Variants in KSR2 observed in about 807,000 individuals in gnomAD.
The protein encoded by KSR2 is kinase suppressor of ras 2.
Under a neutral mutation model 107.8 loss-of-function variants are expected in KSR2, and 25 were observed. The observed-to-expected ratio is 0.23, with a 90% CI of 0.17 to 0.32. The LOEUF (loss-of-function observed/expected upper bound fraction) is 0.32, where lower values mean the gene tolerates loss of function less well. Among genes scored for constraint, KSR2 ranks in the 10% least tolerant of loss-of-function variants. The pLI is 1.00. For synonymous variants in KSR2, 480 were observed against 507.0 expected (o/e 0.95, Z 0.71); for missense variants, 887 against 1,268.9 (o/e 0.70, Z 4.57).
chr12:117,694,800 C>A (rs73213817), intron 4 of KSR2, among the ~76,000 whole-genome samples: 19,756 of 149,324 alleles, frequency 0.13, 1,564 homozygotes, highest in South Asian at 0.24. Flanking sequence ...AGACATTCTG[C>A]TAAGTTAAAA....
intron 4 of KSR2, among the ~76,000 whole-genome samples, chr12:117,673,213 T>C (rs971128354): frequency 1.6e-4 from 24 of 151,412 alleles, no homozygotes; most frequent in African/African-American, 5.8e-4. Context: ...GACAGAAGGA[T>C]AGATGAAAAG....
chr12:117,759,119 A>T, intron 4 of KSR2, among the ~76,000 whole-genome samples: 1 of 152,234 alleles, frequency 6.6e-6, no homozygotes, highest in South Asian at 2.1e-4. Context: ...TTCACATAGC[A>T]GCTTAAATAT....
intron 3 of KSR2, among the ~76,000 whole-genome samples, chr12:117,840,091 C>A (rs1892400881): frequency 7.1e-6 from 1 of 141,426 alleles, no homozygotes; most frequent in African/African-American, 2.9e-5. Context: ...TTTTATTTTA[C>A]TTTATTTTAT....
chr12:117,620,313 G>A (rs1001861783), intron 5 of KSR2, among the ~76,000 whole-genome samples: 1 of 152,114 alleles, frequency 6.6e-6, no homozygotes, highest in Admixed American at 6.6e-5. Context: ...TGAGCAAAGG[G>A]TCTGCCCCAT....
chr12:117,896,731 A>G lies in KSR2; in HGVS notation c.181-36300T>C, dbSNP rs190819744. Among the ~76,000 whole-genome samples the G allele has an allele frequency of 3.8e-3, 580 of 152,304 alleles. 1 individual carries two copies. Among genetic ancestry groups the G allele is most frequent in the African/African-American group, 0.013 (550 of 41,570 alleles). ...TGCCTCGGCCTCCCAAAGTGCTGGG[A>G]TTATAGGCACGAGCCACCACACCTG... On this transcript the variant is annotated intron_variant, in intron 1 of 19. Transcript: ENST00000339824.
At chr12:117,733,113 A>G (rs1393188533) in intron 4 of KSR2, among the ~76,000 whole-genome samples, 2 of 152,142 alleles carry the variant, frequency 1.3e-5, no homozygotes, top group Admixed American at 6.5e-5. Context: ...TGAGGCCACA[A>G]CGCGCCATGG....
chr12:117,884,826 A>G (rs550883363), intron 1 of KSR2, among the ~76,000 whole-genome samples: 16 of 152,118 alleles, frequency 1.1e-4, no homozygotes, highest in African/African-American at 3.9e-4. Context: ...AGAATTCACC[A>G]GCCATCTCTG....
chr12:117,892,629 A>G (rs1388019973), intron 1 of KSR2, among the ~76,000 whole-genome samples: 1 of 152,120 alleles, frequency 6.6e-6, no homozygotes, highest in Admixed American at 6.6e-5. Context: ...TTATTGGAAC[A>G]CAGCCACTAC....
intron 3 of KSR2, among the ~76,000 whole-genome samples, chr12:117,787,466 CT>C (rs1306126751): frequency 6.6e-6 from 1 of 152,012 alleles, no homozygotes; most frequent in African/African-American, 2.4e-5. Flanking sequence ...AACTCCGCCT[CT>C]ACTACAGATA....
chr12:117,673,866 A>G (rs1428599349), intron 4 of KSR2, among the ~76,000 whole-genome samples: 1 of 151,826 alleles, frequency 6.6e-6, no homozygotes, highest in Non-Finnish European at 1.5e-5. Context: ...CAATTCAGAG[A>G]AAATCAACAA....
chr12:117,477,618 G>A lies in KSR2; in HGVS notation c.2451-1023C>T, dbSNP rs55737215. 3.9e-5 allele frequency among the ~76,000 whole-genome samples: 6 copies of A among 152,302 alleles called. 1 individual carries two copies. In the South Asian group the frequency reaches 6.2e-4, roughly 16 times the overall value. On this transcript the variant is annotated intron_variant, in intron 16 of 19. Coordinates refer to ENST00000339824, the MANE Select transcript of KSR2 (RefSeq NM_173598.6). ...AGGTAAACTGTGAGCTAAGATCTAC[G>A]TGACATAAAGGATCCAGTTATGTGA...
chr12:117,870,182 T>C (rs528115873), intron 1 of KSR2, among the ~76,000 whole-genome samples: 2 of 152,364 alleles, frequency 1.3e-5, no homozygotes, highest in South Asian at 2.1e-4. Context: ...GGAAGCCTTC[T>C]AAGTGAATTC....
At chr12:117,573,147 C>T (rs1377389246) in intron 7 of KSR2, among the ~76,000 whole-genome samples, 1 of 152,158 alleles carries the variant, frequency 6.6e-6, no homozygotes. Flanking sequence ...AACAAGACAG[C>T]TAATGATAAT....
rs200974431 is a variant in KSR2, at chr12:117,831,516, T to G, written c.472+23912A>C. On this transcript the variant is annotated intron_variant, in intron 3 of 19. Coordinates refer to ENST00000339824, the MANE Select transcript of KSR2 (RefSeq NM_173598.6). ...ACAGCTTGGGAAAATGAAGTCAAGT[T>G]GAAAGCAAGGGGGAGAAAAATCCTT... Among the ~76,000 whole-genome samples, 9 of 152,144 alleles carry G rather than the reference T, an allele frequency of 5.9e-5. No homozygotes were observed. The East Asian group carries it at 1.5e-3, about 26-fold the overall frequency.
At chr12:117,643,300 AGCCGGGCATGGTG>A (rs1456200848) in intron 5 of KSR2, among the ~76,000 whole-genome samples, 1 of 152,120 alleles carries the variant, frequency 6.6e-6, no homozygotes, top group African/African-American at 2.4e-5. Context: ...TACAAAAATT[AGCCGGGCATGGTG>A]GCGGGTGCCT....
At chr12:117,788,227 T>C (rs892570534) in intron 3 of KSR2, among the ~76,000 whole-genome samples, 2 of 152,144 alleles carry the variant, frequency 1.3e-5, no homozygotes, top group African/African-American at 4.8e-5. Context: ...ACAAAAGAAA[T>C]GAATGACTTC....
chr12:117,795,315 G>A (rs1249566399), intron 3 of KSR2, among the ~76,000 whole-genome samples: 1 of 152,148 alleles, frequency 6.6e-6, no homozygotes, highest in African/African-American at 2.4e-5. Flanking sequence ...CTTGTCAATG[G>A]TGTCACCTTC....
intron 4 of KSR2, chr12:117,674,493 G>A (rs1377504214): frequency 1.1e-5 from 5 of 444,610 alleles, no homozygotes; most frequent in Non-Finnish European, 2.3e-5. Context: ...AATCCCTTAC[G>A]CATTAGTCAC....
intron 4 of KSR2, among the ~76,000 whole-genome samples, chr12:117,702,729 C>T (rs1328636545): frequency 6.6e-6 from 1 of 152,132 alleles, no homozygotes; most frequent in African/African-American, 2.4e-5. Context: ...GGAATATTCC[C>T]AGACACCGAG....
Sources: gnomAD v4.1 joint callset for allele counts (sites outside exome capture counted in the v4.1 genomes callset) on GRCh38, gnomAD v4.1.1 for gene constraint, MANE v1.5 for transcripts, NCBI Gene and HGNC (gene_info 2026-07-23, HGNC 2026-07-21) for gene names.